GALC: variants seen among roughly 807,000 people sequenced by gnomAD.
GALC encodes the protein galactosylceramidase.
GALC carries 77 observed loss-of-function variants against 91.8 expected under a neutral mutation model. The observed-to-expected ratio is 0.84, with a 90% CI of 0.70 to 1.01. The LOEUF (loss-of-function observed/expected upper bound fraction) is 1.01. Among genes scored for constraint, GALC ranks in the 50% least tolerant of loss-of-function variants. The pLI, the probability that GALC is intolerant of heterozygous loss-of-function variation, is 0.00. For missense variants in GALC, 882 were observed against 855.9 expected (o/e 1.03, Z -0.38); for synonymous variants, 357 against 306.7 (o/e 1.16, Z -1.71).
chr14:87,993,210 G>T, upstream of GALC: 1 of 1,551,718 alleles, frequency 6.4e-7, no homozygotes. Flanking sequence ...GGGTCCCGTC[G>T]CCGCCACGAT....
At chr14:87,952,904 G>A in intron 10 of GALC, 1 of 935,144 alleles carries the variant, frequency 1.1e-6, no homozygotes, top group Non-Finnish European at 1.7e-6. Context: ...AGTATCAAAA[G>A]CTTCTCAGTG....
chr14:87,964,757 C>G (rs1885960247), intron 9 of GALC, among the ~76,000 whole-genome samples: 3 of 152,064 alleles, frequency 2.0e-5, no homozygotes, highest in Admixed American at 2.0e-4. Context: ...TTGTGGGAAA[C>G]CCAATTTGCC....
chr14:87,993,292 G>A, upstream of GALC: 1 of 1,538,384 alleles, frequency 6.5e-7, no homozygotes, highest in Non-Finnish European at 8.7e-7. Flanking sequence ...GGCCTCTGAC[G>A]CAGCTGGCGG....
chr14:87,962,887 T>G (rs1043178096), intron 10 of GALC, among the ~76,000 whole-genome samples: 1 of 152,114 alleles, frequency 6.6e-6, no homozygotes, highest in Admixed American at 6.6e-5. Context: ...TTCAGTTCCC[T>G]TGAATCCTTG....
At chr14:87,992,539 G>A (rs1449361811) in intron 1 of GALC, 1 of 1,525,452 alleles carries the variant, frequency 6.6e-7, no homozygotes, top group East Asian at 2.5e-5. Context: ...CACAGCCAAA[G>A]CATCCCACTG....
intron 7 of GALC, among the ~76,000 whole-genome samples, chr14:87,968,699 C>G (rs1886158260): frequency 6.6e-6 from 1 of 151,942 alleles, no homozygotes; most frequent in African/African-American, 2.4e-5. Context: ...GCAAAGAAAA[C>G]AAAAGGGGAT....
At chr14:87,992,058 A>G (rs932435427) in intron 1 of GALC, among the ~76,000 whole-genome samples, 3 of 152,006 alleles carry the variant, frequency 2.0e-5, no homozygotes, top group Non-Finnish European at 4.4e-5. Context: ...AAACATAAAA[A>G]TCAAAAAGGA....
chr14:87,951,975 G>A (rs1260247878), intron 10 of GALC, among the ~76,000 whole-genome samples: 6 of 151,632 alleles, frequency 4.0e-5, no homozygotes, highest in African/African-American at 7.3e-5. Flanking sequence ...TATACTGCTC[G>A]GGGATGGGTG....
Position 87,992,468 on chromosome 14 carries a change from A to T in GALC, c.195+502T>A, listed in dbSNP as rs1442825640. The stretch of plus-strand genomic sequence containing the variant: ...CTGGAGGAGCCCATTCTTACCCTGC[A>T]CTAACAACTGCACGGGACTTAACGA... On this transcript the variant is annotated intron_variant, in intron 1 of 16. Transcript: ENST00000261304. 2.6e-6 allele frequency: 4 copies of T among 1,534,110 alleles called. No individual in the cohort carries two copies. The African/African-American group carries it at 4.1e-5, about 16-fold the overall frequency.
At chr14:87,965,135 A>T (rs1885980575) in intron 9 of GALC, among the ~76,000 whole-genome samples, 1 of 152,172 alleles carries the variant, frequency 6.6e-6, no homozygotes, top group Non-Finnish European at 1.5e-5. Context: ...TAAGAGAACA[A>T]AATGTCTTCA....
chr14:87,934,486 GCA>G lies in GALC; in HGVS notation c.*244_*245del. The G allele has an allele frequency of 7.2e-7, 1 of 1,388,044 alleles. No individual in the cohort carries two copies. The highest frequency in any genetic ancestry group is 2.9e-5 in the Admixed American group (1 of 34,370). The allele number at this position is 1,388,044 out of a possible 1,614,324, so 86.0% of individuals were successfully genotyped here. A position where few individuals can be genotyped will look rare whatever the true frequency, so the allele number is the denominator to read the frequency against. ...AACCACTCCTAAGGGTATGGCCAATGCACAGTTTGAATGTTAGGGAACACACC... is the reference window on the plus strand; with the variant it reads ...AACCACTCCTAAGGGTATGGCCAATGCAGTTTGAATGTTAGGGAACACACC... On this transcript the variant is annotated 3_prime_UTR_variant, in exon 17 of 17. Transcript: ENST00000261304.
At chr14:87,970,239 G>A in intron 7 of GALC, among the ~76,000 whole-genome samples, 1 of 151,950 alleles carries the variant, frequency 6.6e-6, no homozygotes, top group East Asian at 1.9e-4. Flanking sequence ...TGCATGTTTG[G>A]TGTATTTGGT....
chr14:87,987,783 T>C (rs978753819), intron 3 of GALC: 4 of 173,182 alleles, frequency 2.3e-5, no homozygotes, highest in African/African-American at 9.5e-5. Context: ...ATATTTTAAG[T>C]TAATAACACT....
At chr14:87,961,242 T>C (rs561490053) in intron 10 of GALC, among the ~76,000 whole-genome samples, 1 of 152,306 alleles carries the variant, frequency 6.6e-6, no homozygotes, top group Non-Finnish European at 1.5e-5. Context: ...GGAAAATGCA[T>C]ATTGAACTAC....
At chr14:87,962,472 G>T (rs920117867) in intron 10 of GALC, among the ~76,000 whole-genome samples, 1 of 151,996 alleles carries the variant, frequency 6.6e-6, no homozygotes, top group Non-Finnish European at 1.5e-5. Context: ...TTTACTGTTT[G>T]TCCTGGCTCA....
chr14:87,989,328 T>C (rs772398495), intron 1 of GALC, among the ~76,000 whole-genome samples: 1 of 152,194 alleles, frequency 6.6e-6, no homozygotes, highest in Non-Finnish European at 1.5e-5. Flanking sequence ...TTCAACTTTC[T>C]ATTTTATATT....
intron 1 of GALC, among the ~76,000 whole-genome samples, chr14:87,990,292 T>C (rs949672147): frequency 6.6e-6 from 1 of 152,208 alleles, no homozygotes; most frequent in African/African-American, 2.4e-5. Flanking sequence ...GCAACATAAA[T>C]AGGAGTCTTT....
intron 16 of GALC, among the ~76,000 whole-genome samples, chr14:87,936,914 T>TATATATATATA (rs60680373): frequency 0.25 from 26,153 of 105,126 alleles, 4,886 homozygotes; most frequent in Admixed American, 0.34. Context: ...ATATATATAT[T>TATATATATATA]TATTTATTTT....
chr14:87,982,927 T>A (rs1886808646), intron 5 of GALC, among the ~76,000 whole-genome samples: 1 of 152,214 alleles, frequency 6.6e-6, no homozygotes, highest in Non-Finnish European at 1.5e-5. Flanking sequence ...ATAGCATTTG[T>A]TATCATGAGT....
Sources: allele counts gnomAD v4.1 joint callset (sites outside exome capture counted in the v4.1 genomes callset), GRCh38; gene constraint gnomAD v4.1.1; transcripts MANE v1.5; gene names NCBI Gene and HGNC (gene_info 2026-07-23, HGNC 2026-07-21).